GRAMD4: variants seen among roughly 807,000 people sequenced by gnomAD.
GRAMD4 encodes the protein GRAM domain containing 4, also known as GRAM domain-containing protein 4.
Under a neutral mutation model 83.9 loss-of-function variants are expected in GRAMD4, and 25 were observed. The ratio of observed to expected loss-of-function variants is 0.30; its 90% CI spans 0.22 to 0.42. The LOEUF (loss-of-function observed/expected upper bound fraction) is 0.42, where lower values mean the gene tolerates loss of function less well. Among genes scored for constraint, GRAMD4 ranks in the 10% least tolerant of loss-of-function variants. The probability of loss-of-function intolerance (pLI) is 1.00; values close to 1 mark genes in which losing one functional copy is unlikely to be tolerated. For missense variants in GRAMD4, 593 were observed against 788.7 expected (o/e 0.75, Z 2.97); for synonymous variants, 336 against 320.9 (o/e 1.05, Z -0.50).
intron 2 of GRAMD4, among the ~76,000 whole-genome samples, chr22:46,637,386 G>A (rs2081906536): frequency 6.6e-6 from 1 of 151,920 alleles, no homozygotes; most frequent in Non-Finnish European, 1.5e-5. Context: ...CTGGGTAGCT[G>A]GGACTACAGG....
intron 3 of GRAMD4, among the ~76,000 whole-genome samples, chr22:46,645,013 G>C (rs2082054060): frequency 7.5e-6 from 1 of 134,152 alleles, no homozygotes; most frequent in South Asian, 2.4e-4. Flanking sequence ...GCCTCTCAAA[G>C]TTTATTACAG....
chr22:46,590,009 T>G (rs545382917), intron 1 of GRAMD4, among the ~76,000 whole-genome samples: 2 of 152,326 alleles, frequency 1.3e-5, no homozygotes, highest in South Asian at 2.1e-4. Context: ...TCGCCTCCTG[T>G]AACTCCCACG....
chr22:46,605,158 T>A (rs2081353134), intron 1 of GRAMD4, among the ~76,000 whole-genome samples: 1 of 151,708 alleles, frequency 6.6e-6, no homozygotes, highest in African/African-American at 2.4e-5. Flanking sequence ...TTCACCCAGG[T>A]CTTGGTGCCA....
Position 46,664,099 on chromosome 22 carries a change from G to T in GRAMD4, c.699G>T (p.Thr233=), listed in dbSNP as rs776613803. ...SALSDWYSVY[T]SAIAFTVYMN... is the part of the protein sequence containing the mutation. ...TATCCGACTGGTACTCCGTCTACAC[G>T]TCTGCCATTGCCTTCACCGTGAGTG... The change falls in exon 8 of 19, where the codon ACG becomes ACT. Residue 233 remains threonine, a synonymous_variant. Transcript: ENST00000406902. 3 of 1,612,648 alleles carry T rather than the reference G, an allele frequency of 1.9e-6. No individual in the cohort carries two copies. The highest frequency in any genetic ancestry group is 1.3e-5 in the African/African-American group (1 of 75,012).
intron 1 of GRAMD4, among the ~76,000 whole-genome samples, chr22:46,607,071 C>T (rs969139731): frequency 6.6e-6 from 1 of 152,182 alleles, no homozygotes. Flanking sequence ...CACCTCACTC[C>T]GACAGCCCAG....
chr22:46,633,587 G>C (rs1045072904), intron 2 of GRAMD4, among the ~76,000 whole-genome samples: 1 of 152,254 alleles, frequency 6.6e-6, no homozygotes, highest in Non-Finnish European at 1.5e-5. Context: ...TTCTCCGTGG[G>C]TTGGCGTCCT....
intron 1 of GRAMD4, among the ~76,000 whole-genome samples, chr22:46,578,787 G>A (rs951348561): frequency 1.3e-5 from 2 of 152,210 alleles, no homozygotes; most frequent in Non-Finnish European, 1.5e-5. Flanking sequence ...ACCCCTGCCT[G>A]GTCCAGGAAA....
At chr22:46,651,543 C>T (rs1371838857) in intron 3 of GRAMD4, among the ~76,000 whole-genome samples, 2 of 152,234 alleles carry the variant, frequency 1.3e-5, no homozygotes, top group Non-Finnish European at 2.9e-5. Context: ...CCCGGGCAGC[C>T]TCCCATCCCT....
chr22:46,643,135 G>GCATCTATC (rs2082004486), intron 3 of GRAMD4, among the ~76,000 whole-genome samples: 1 of 7,984 alleles, frequency 1.3e-4, no homozygotes, highest in African/African-American at 5.4e-4. Context: ...ATCCATCCAT[G>GCATCTATC]CATCCTTCCA....
At chr22:46,644,021 C>T (rs750777271) in intron 3 of GRAMD4, among the ~76,000 whole-genome samples, 15 of 152,222 alleles carry the variant, frequency 9.9e-5, no homozygotes, top group Non-Finnish European at 1.5e-4. Flanking sequence ...ACACTGTATT[C>T]TTCCAACTGA....
chr22:46,629,580 C>G (rs2081734798), intron 2 of GRAMD4, among the ~76,000 whole-genome samples: 1 of 152,122 alleles, frequency 6.6e-6, no homozygotes. Context: ...GGGCAGCCTC[C>G]CAGAAACATC....
rs1264236951 is a variant in GRAMD4 at position 46,677,858 on chromosome 22, A to G, written c.*607A>G. On this transcript the variant is annotated 3_prime_UTR_variant, in exon 19 of 19. Coordinates refer to ENST00000406902, the MANE Select transcript of GRAMD4 (RefSeq NM_015124.5). ...GGCGCAGTGACCCTGCCTGCGCTCCACACTCGCTCCACGGGAACAGAGAGG... is the reference window on the plus strand; with the variant it reads ...GGCGCAGTGACCCTGCCTGCGCTCCGCACTCGCTCCACGGGAACAGAGAGG... 3.0e-6 allele frequency: 3 copies of G among 985,138 alleles called. No individual in the cohort carries two copies. The highest frequency in any genetic ancestry group is 3.5e-5 in the African/African-American group (2 of 57,152). The allele number at this position is 985,138 out of a possible 1,614,324, so 61.0% of individuals were successfully genotyped here.
At chr22:46,624,398 G>A (rs1308977509) in intron 1 of GRAMD4, among the ~76,000 whole-genome samples, 3 of 119,666 alleles carry the variant, frequency 2.5e-5, no homozygotes, top group Non-Finnish European at 4.8e-5. Context: ...GTGTGATCTT[G>A]GCTCACTGCA....
Position 46,584,932 on chromosome 22 carries a change from C to T in GRAMD4, c.-50+7642C>T, listed in dbSNP as rs570426931. ...ACGCTTTAGAGCTCAGACAAATCTCCGACTCCATCCTGGCCAGGTCTGTCC... is the reference window on the plus strand; with the variant it reads ...ACGCTTTAGAGCTCAGACAAATCTCTGACTCCATCCTGGCCAGGTCTGTCC... On this transcript the variant is annotated intron_variant, in intron 1 of 1. Transcript: ENST00000431155. 5.6e-4 allele frequency among the ~76,000 whole-genome samples: 85 copies of T among 152,350 alleles called. 1 individual carries two copies. Among genetic ancestry groups the T allele is most frequent in the Admixed American group, 2.6e-3 (40 of 15,302 alleles).
At chr22:46,668,564 C>G in intron 11 of GRAMD4, 125 bp from the exon 12 acceptor site, 1 of 893,932 alleles carries the variant, frequency 1.1e-6, no homozygotes, top group East Asian at 2.4e-5. Flanking sequence ...TAGGAGCAGC[C>G]GGGCAGGACC....
chr22:46,632,998 G>C (rs1362545861), intron 2 of GRAMD4, among the ~76,000 whole-genome samples: 1 of 152,206 alleles, frequency 6.6e-6, no homozygotes, highest in Non-Finnish European at 1.5e-5. Context: ...GGTGGGGATG[G>C]GGATGTGGAG....
At chr22:46,643,151 C>T (rs749817040) in intron 3 of GRAMD4, among the ~76,000 whole-genome samples, 1 of 5,756 alleles carries the variant, frequency 1.7e-4, no homozygotes, top group Non-Finnish European at 4.4e-4. Flanking sequence ...TTCCATCCAT[C>T]CATCCATCCA....
At chr22:46,653,876 A>G (rs974280457) in intron 3 of GRAMD4, among the ~76,000 whole-genome samples, 1 of 152,202 alleles carries the variant, frequency 6.6e-6, no homozygotes, top group Non-Finnish European at 1.5e-5. Context: ...AAGCCTGCCC[A>G]GTGTGACTTG....
intron 3 of GRAMD4, among the ~76,000 whole-genome samples, chr22:46,641,058 C>T (rs926000537): frequency 6.6e-6 from 1 of 152,112 alleles, no homozygotes; most frequent in Non-Finnish European, 1.5e-5. Context: ...AGAGCGAGAC[C>T]CCATCTCTTA....
Sources: gnomAD v4.1 joint callset for allele counts (sites outside exome capture counted in the v4.1 genomes callset) on GRCh38, gnomAD v4.1.1 for gene constraint, MANE v1.5 for transcripts, NCBI Gene and HGNC (gene_info 2026-07-23, HGNC 2026-07-21) for gene names.